The following TIMM9 variants were observed in gnomAD, a reference collection of about 807,000 sequenced individuals.
The protein encoded by TIMM9 is mitochondrial import inner membrane translocase subunit Tim9.
A neutral mutation model predicts 13.4 loss-of-function variants in TIMM9; 10 were observed. That is an observed-to-expected ratio of 0.75 (90% CI 0.46 to 1.26). The LOEUF (loss-of-function observed/expected upper bound fraction) is 1.26. Among genes scored for constraint, TIMM9 ranks in the 50% most tolerant of loss-of-function variants. TIMM9 has a pLI of 0.00. For synonymous variants in TIMM9, 32 were observed against 32.1 expected (o/e 1.00, Z 0.01); for missense variants, 87 against 100.8 (o/e 0.86, Z 0.58).
chr14:58,424,780 T>A (rs1476471169), intron 2 of TIMM9, among the ~76,000 whole-genome samples: 1 of 152,106 alleles, frequency 6.6e-6, no homozygotes, highest in Non-Finnish European at 1.5e-5. Flanking sequence ...GGCAGGAGGA[T>A]CACTTGAGCC....
chr14:58,418,355 ATACT>A (rs571624379), intron 3 of TIMM9, among the ~76,000 whole-genome samples: 1 of 152,352 alleles, frequency 6.6e-6, no homozygotes, highest in Admixed American at 6.5e-5. Context: ...AGCCTACACT[ATACT>A]TAATGGCAAA....
intron 3 of TIMM9, among the ~76,000 whole-genome samples, chr14:58,416,894 G>A (rs1026419393): frequency 6.6e-6 from 1 of 152,146 alleles, no homozygotes; most frequent in African/African-American, 2.4e-5. Flanking sequence ...AATTCCTTGG[G>A]CTCTGGAGTT....
chr14:58,416,507 G>A (rs1051221758), intron 3 of TIMM9, among the ~76,000 whole-genome samples: 4 of 152,140 alleles, frequency 2.6e-5, no homozygotes, highest in African/African-American at 7.2e-5. Flanking sequence ...CTAAGAAAAT[G>A]TGTTACCAGC....
intron 3 of TIMM9, 189 bp from the exon 4 acceptor site, chr14:58,412,160 T>C (rs79259594): frequency 1.0e-5 from 5 of 484,222 alleles, no homozygotes; most frequent in African/African-American, 9.8e-5. Flanking sequence ...CTTTTTTTTT[T>C]TGAGACGGAG....
intron 4 of TIMM9, among the ~76,000 whole-genome samples, chr14:58,411,547 T>TA (rs1184652365): frequency 6.8e-6 from 1 of 146,984 alleles, no homozygotes; most frequent in Non-Finnish European, 1.5e-5. Context: ...ACTGACATGG[T>TA]TTTTTTTTTT....
intron 3 of TIMM9, among the ~76,000 whole-genome samples, chr14:58,415,945 G>C (rs1240027451): frequency 6.6e-6 from 1 of 152,006 alleles, no homozygotes; most frequent in Admixed American, 6.6e-5. Context: ...GCTGAGCGCA[G>C]TGCCTCACGT....
chr14:58,421,894 C>T (rs540347414), intron 3 of TIMM9, among the ~76,000 whole-genome samples: 1 of 152,126 alleles, frequency 6.6e-6, no homozygotes, highest in Non-Finnish European at 1.5e-5. Flanking sequence ...TTTGAATTGT[C>T]GAATAAGGAC....
intron 3 of TIMM9, among the ~76,000 whole-genome samples, chr14:58,416,569 G>A (rs969763040): frequency 1.3e-4 from 20 of 152,200 alleles, no homozygotes; most frequent in Admixed American, 6.5e-5. Context: ...AATGATAAAA[G>A]TAGTAGTCCT....
At position 58,409,001 on chromosome 14, in the gene TIMM9, T is replaced by G. The variant is rs774528271; in HGVS notation, c.*33A>C. The G allele has an allele frequency of 6.3e-7, 1 of 1,592,344 alleles. No homozygotes were observed. Among genetic ancestry groups the G allele is most frequent in the Non-Finnish European group, 8.5e-7 (1 of 1,174,484 alleles). On this transcript the variant is annotated 3_prime_UTR_variant, in exon 6 of 6. Coordinates refer to ENST00000395159, the MANE Select transcript of TIMM9 (RefSeq NM_012460.4). ...TTTCCAATAAAGCAGCTGTTGGCAA[T>G]CTTTCATCAAAAGTTCATCCATCAG...
intron 3 of TIMM9, among the ~76,000 whole-genome samples, chr14:58,417,573 G>A (rs1201381539): frequency 7.2e-6 from 1 of 138,826 alleles, no homozygotes; most frequent in Non-Finnish European, 1.6e-5. Context: ...AGGAGCGTGG[G>A]AGGGAGGGAA....
intron 2 of TIMM9, among the ~76,000 whole-genome samples, chr14:58,426,823 G>A (rs2036848456): frequency 6.6e-6 from 1 of 152,190 alleles, no homozygotes; most frequent in African/African-American, 2.4e-5. Context: ...CGACTCCCCA[G>A]ATCCGGGTTG....
intron 3 of TIMM9, among the ~76,000 whole-genome samples, chr14:58,414,008 GAAAAAAAA>G (rs10656955): frequency 5.4e-4 from 13 of 24,178 alleles, no homozygotes; most frequent in South Asian, 4.1e-3. Context: ...TTCCGTCTCA[GAAAAAAAA>G]AAAAAAAAAA....
intron 5 of TIMM9, 47 bp from the exon 6 acceptor site, chr14:58,409,215 T>C (rs1429161329): frequency 1.9e-6 from 3 of 1,593,926 alleles, no homozygotes; most frequent in East Asian, 4.5e-5. Context: ...AAAATATGAA[T>C]TTTTTAAAAT....
intron 3 of TIMM9, among the ~76,000 whole-genome samples, chr14:58,418,868 A>G (rs1247199690): frequency 6.6e-6 from 1 of 152,122 alleles, no homozygotes; most frequent in African/African-American, 2.4e-5. Flanking sequence ...AAGAATGCCA[A>G]TTTTCTTAAG....
chr14:58,425,898 C>G (rs1703558600), intron 2 of TIMM9, among the ~76,000 whole-genome samples: 1 of 151,938 alleles, frequency 6.6e-6, no homozygotes, highest in Admixed American at 6.6e-5. Context: ...GCGGGTGAAT[C>G]AAGTCAGGAG....
intron 3 of TIMM9, among the ~76,000 whole-genome samples, chr14:58,415,995 C>T (rs371562842): frequency 2.7e-5 from 4 of 150,002 alleles, no homozygotes; most frequent in East Asian, 2.0e-4. Context: ...GCGGGTGGGT[C>T]GATTGAGGTC....
At chr14:58,423,217 C>T (rs1346480236) in intron 3 of TIMM9, among the ~76,000 whole-genome samples, 5 of 151,826 alleles carry the variant, frequency 3.3e-5, no homozygotes, top group African/African-American at 1.2e-4. Flanking sequence ...TCACCAGTAT[C>T]TATCAAGATT....
At chr14:58,414,794 T>A (rs1453510248) in intron 3 of TIMM9, among the ~76,000 whole-genome samples, 1 of 151,156 alleles carries the variant, frequency 6.6e-6, no homozygotes, top group Admixed American at 6.6e-5. Flanking sequence ...TACTGACATT[T>A]AAAAAAATGT....
chr14:58,413,126 T>C (rs2036276332), intron 3 of TIMM9, among the ~76,000 whole-genome samples: 1 of 152,166 alleles, frequency 6.6e-6, no homozygotes, highest in South Asian at 2.1e-4. Flanking sequence ...CCTTTTCTGG[T>C]AGTAAGTCTT....
Sources: allele counts gnomAD v4.1 joint callset (sites outside exome capture counted in the v4.1 genomes callset), GRCh38; gene constraint gnomAD v4.1.1; transcripts MANE v1.5; gene names NCBI Gene and HGNC (gene_info 2026-07-23, HGNC 2026-07-21).